The following CSMD1 variants were observed in gnomAD, a reference collection of about 807,000 sequenced individuals.
The protein encoded by CSMD1 is CUB and sushi domain-containing protein 1.
In CSMD1, 213 loss-of-function variants were observed where a neutral mutation model predicts 417.5. That is an observed-to-expected ratio of 0.51 (90% CI 0.46 to 0.57). CSMD1 has a LOEUF of 0.57. CSMD1 is among the 20% of genes least tolerant of loss of function. The pLI is 0.00. For missense variants in CSMD1, 6,923 were observed against 4,529.7 expected (o/e 1.53, Z -15.17); for synonymous variants, 2,862 against 1,736.8 (o/e 1.65, Z -16.11).
At chr8:3,331,193 G>T (rs1434207914) in intron 23 of CSMD1, among the ~76,000 whole-genome samples, 3 of 148,708 alleles carry the variant, frequency 2.0e-5, no homozygotes, top group Admixed American at 1.4e-4. Flanking sequence ...AGCCGAGATC[G>T]TGCCACTGCA....
chr8:4,984,079 C>T (rs1270001504), intron 1 of CSMD1, among the ~76,000 whole-genome samples: 1 of 152,146 alleles, frequency 6.6e-6, no homozygotes, highest in African/African-American at 2.4e-5. Context: ...CAGAGAAAAG[C>T]ATGTACAGTA....
chr8:3,226,089 G>C (rs984016168), intron 27 of CSMD1, among the ~76,000 whole-genome samples: 9 of 152,122 alleles, frequency 5.9e-5, no homozygotes, highest in African/African-American at 2.2e-4. Flanking sequence ...TAAAACATTT[G>C]AATGTTCACA....
At chr8:4,044,784 C>A (rs887416273) in intron 3 of CSMD1, among the ~76,000 whole-genome samples, 3 of 152,252 alleles carry the variant, frequency 2.0e-5, no homozygotes, top group African/African-American at 4.8e-5. Context: ...CCGTGTAGCA[C>A]CCTGAGGGTG....
At chr8:4,083,040 G>C (rs901303284) in intron 3 of CSMD1, among the ~76,000 whole-genome samples, 1 of 151,886 alleles carries the variant, frequency 6.6e-6, no homozygotes, top group African/African-American at 2.4e-5. Flanking sequence ...TTTGTTCCAA[G>C]TCTTTGCTAT....
chr8:4,380,133 T>C (rs758329816), intron 3 of CSMD1, among the ~76,000 whole-genome samples: 1 of 152,182 alleles, frequency 6.6e-6, no homozygotes, highest in East Asian at 1.9e-4. Context: ...GAATTCTAAA[T>C]AGTTTCTACA....
intron 5 of CSMD1, among the ~76,000 whole-genome samples, chr8:3,924,630 G>C (rs1398611324): frequency 1.3e-5 from 2 of 151,986 alleles, no homozygotes; most frequent in African/African-American, 4.8e-5. Context: ...TTTTCTGATT[G>C]GTTGAGTCTG....
chr8:4,727,374 C>G (rs1484183571), intron 1 of CSMD1, among the ~76,000 whole-genome samples: 1 of 152,160 alleles, frequency 6.6e-6, no homozygotes, highest in Non-Finnish European at 1.5e-5. Context: ...CACTAATGCT[C>G]TCCATTGAAA....
rs574154185 is a variant in CSMD1, at chr8:4,888,002, C to T, written c.85+106330G>A. The stretch of plus-strand genomic sequence containing the variant: ...CAGTCTAACAATATAGGCTTACATG[C>T]CTCTCTCTCTTTCCCTTCCTTTTTT... On this transcript the variant is annotated intron_variant, in intron 1 of 69. Transcript: ENST00000635120. 8.5e-5 allele frequency among the ~76,000 whole-genome samples: 13 copies of T among 152,084 alleles called. No homozygotes were observed. In the East Asian group the frequency reaches 1.9e-3, roughly 23 times the overall value.
At chr8:3,510,740 T>G (rs754435649) in intron 10 of CSMD1, among the ~76,000 whole-genome samples, 20 of 151,876 alleles carry the variant, frequency 1.3e-4, no homozygotes, top group Admixed American at 1.1e-3. Context: ...GGTTTTGATT[T>G]GCATTTCTGT....
chr8:3,470,007 C>G (rs1037962760), intron 11 of CSMD1, among the ~76,000 whole-genome samples: 1 of 151,914 alleles, frequency 6.6e-6, no homozygotes, highest in Non-Finnish European at 1.5e-5. Context: ...TGTAACAAGC[C>G]AAAAAGCGCA....
intron 3 of CSMD1, among the ~76,000 whole-genome samples, chr8:4,343,396 A>C (rs1024896903): frequency 6.6e-6 from 1 of 152,008 alleles, no homozygotes; most frequent in African/African-American, 2.4e-5. Flanking sequence ...AAGAGAGCTG[A>C]CCTTAAGTGT....
chr8:4,640,127 T>C (rs1055750554), intron 1 of CSMD1, among the ~76,000 whole-genome samples: 1 of 152,194 alleles, frequency 6.6e-6, no homozygotes, highest in African/African-American at 2.4e-5. Flanking sequence ...GATATGAAGA[T>C]TTCCTCAAGG....
At chr8:4,232,885 A>G (rs1801827660) in intron 3 of CSMD1, among the ~76,000 whole-genome samples, 1 of 152,186 alleles carries the variant, frequency 6.6e-6, no homozygotes, top group Non-Finnish European at 1.5e-5. Flanking sequence ...GAATAAGTGT[A>G]AAAGGAGGAA....
chr8:4,884,998 T>C (rs1803646342), intron 1 of CSMD1, among the ~76,000 whole-genome samples: 1 of 152,148 alleles, frequency 6.6e-6, no homozygotes, highest in Non-Finnish European at 1.5e-5. Flanking sequence ...ATCCTATTTA[T>C]TTAGGTCTTC....
intron 23 of CSMD1, among the ~76,000 whole-genome samples, chr8:3,308,954 A>T (rs1464322706): frequency 6.6e-6 from 1 of 151,896 alleles, no homozygotes; most frequent in African/African-American, 2.4e-5. Flanking sequence ...CGAATACCTG[A>T]CTTCAGGCAA....
intron 3 of CSMD1, among the ~76,000 whole-genome samples, chr8:4,410,789 G>C (rs922598359): frequency 6.6e-6 from 1 of 152,132 alleles, no homozygotes; most frequent in African/African-American, 2.4e-5. Flanking sequence ...CATGAGTTGA[G>C]ACTCCCCTCT....
chr8:4,641,551 A>G (rs1803190245), intron 1 of CSMD1, among the ~76,000 whole-genome samples: 1 of 152,170 alleles, frequency 6.6e-6, no homozygotes, highest in South Asian at 2.1e-4. Flanking sequence ...TTTTACAAGG[A>G]TGGAAGAACA....
At chr8:3,195,803 T>C (rs148422761) in intron 33 of CSMD1, among the ~76,000 whole-genome samples, 410 of 152,282 alleles carry the variant, frequency 2.7e-3, no homozygotes, top group African/African-American at 9.5e-3. Flanking sequence ...ATATTCAACA[T>C]TTAAAAGCAA....
At chr8:3,596,553 C>T (rs1584938762) in intron 8 of CSMD1, among the ~76,000 whole-genome samples, 1 of 152,258 alleles carries the variant, frequency 6.6e-6, no homozygotes, top group East Asian at 1.9e-4. Flanking sequence ...CGTGGTTGAT[C>T]AGTAAACAAT....
Sources: gnomAD v4.1 joint callset for allele counts (sites outside exome capture counted in the v4.1 genomes callset) on GRCh38, gnomAD v4.1.1 for gene constraint, MANE v1.5 for transcripts, NCBI Gene and HGNC (gene_info 2026-07-23, HGNC 2026-07-21) for gene names.